PACRG: variants seen among roughly 807,000 people sequenced by gnomAD.
The protein encoded by PACRG is parkin coregulated gene protein.
In PACRG, 29 loss-of-function variants were observed where a neutral mutation model predicts 29.7. The observed-to-expected ratio is 0.98, with a 90% CI of 0.73 to 1.33. PACRG has a LOEUF of 1.33. PACRG is among the 40% of genes most tolerant of loss of function. The probability of loss-of-function intolerance (pLI) is 0.00; values close to 1 mark genes in which losing one functional copy is unlikely to be tolerated. For missense variants in PACRG, 279 were observed against 316.2 expected (o/e 0.88, Z 0.89); for synonymous variants, 116 against 118.7 (o/e 0.98, Z 0.15).
At chr6:162,823,093 G>A (rs1787978469) in intron 2 of PACRG, among the ~76,000 whole-genome samples, 1 of 152,142 alleles carries the variant, frequency 6.6e-6, no homozygotes, top group African/African-American at 2.4e-5. Flanking sequence ...GAGAGATACT[G>A]TGTCAGAGAT....
intron 3 of PACRG, among the ~76,000 whole-genome samples, chr6:163,067,139 T>G (rs761682269): frequency 6.6e-5 from 10 of 152,116 alleles, no homozygotes; most frequent in Non-Finnish European, 1.3e-4. Context: ...GCCTTCCTGC[T>G]GTAGCACCGC....
chr6:163,154,793 G>A (rs899089905), intron 4 of PACRG, among the ~76,000 whole-genome samples: 1 of 151,968 alleles, frequency 6.6e-6, no homozygotes, highest in Non-Finnish European at 1.5e-5. Context: ...GTTTGATCAG[G>A]CAACTACAGG....
At chr6:163,052,119 TA>T (rs1328206055) in intron 2 of PACRG, 8 of 152,186 alleles carry the variant, frequency 5.3e-5, no homozygotes, top group African/African-American at 1.9e-4. Context: ...CATCTACTTG[TA>T]AAATATATTA....
intron 2 of PACRG, among the ~76,000 whole-genome samples, chr6:162,990,073 A>AT (rs1374524404): frequency 1.3e-5 from 2 of 150,714 alleles, no homozygotes; most frequent in Admixed American, 1.3e-4. Context: ...TGAACTCATC[A>AT]TTTTTTATGG....
intron 4 of PACRG, among the ~76,000 whole-genome samples, chr6:163,116,911 C>T (rs9295210): frequency 0.056 from 8,512 of 152,126 alleles, 816 homozygotes; most frequent in African/African-American, 0.19. Flanking sequence ...CGTGGTGAGT[C>T]GGAGGTGCTG....
chr6:162,750,560 T>C (rs954400353), intron 1 of PACRG, among the ~76,000 whole-genome samples: 2 of 152,198 alleles, frequency 1.3e-5, no homozygotes, highest in African/African-American at 4.8e-5. Flanking sequence ...CTTCAACTAA[T>C]AGAGTAAAAT....
At chr6:162,891,719 G>A (rs886271012) in intron 2 of PACRG, among the ~76,000 whole-genome samples, 6 of 152,082 alleles carry the variant, frequency 3.9e-5, no homozygotes, top group African/African-American at 9.7e-5. Context: ...ACCTCTTTGG[G>A]GGGCTGTAGA....
At chr6:162,890,609 G>A (rs1003753323) in intron 2 of PACRG, among the ~76,000 whole-genome samples, 1 of 152,176 alleles carries the variant, frequency 6.6e-6, no homozygotes, top group Non-Finnish European at 1.5e-5. Flanking sequence ...GGGTCACTTA[G>A]AGAAGGAAAT....
chr6:163,266,597 T>C (rs369007920), intron 4 of PACRG, among the ~76,000 whole-genome samples: 4 of 152,280 alleles, frequency 2.6e-5, no homozygotes, highest in East Asian at 3.9e-4. Flanking sequence ...CTAACCTCCT[T>C]CTCCTGATTT....
At chr6:162,854,654 A>G (rs117786524) in intron 2 of PACRG, among the ~76,000 whole-genome samples, 6,200 of 152,282 alleles carry the variant, frequency 0.041, 141 homozygotes, top group Middle Eastern at 0.088. Context: ...ACTGACATTC[A>G]TTGGTATGTA....
chr6:162,841,300 A>C (rs1282058957), intron 2 of PACRG, among the ~76,000 whole-genome samples: 2 of 147,242 alleles, frequency 1.4e-5, no homozygotes, highest in Admixed American at 6.8e-5. Context: ...TCAGAGATTC[A>C]ACTTCTTCCT....
At chr6:163,033,017 A>T (rs1348635491) in intron 2 of PACRG, among the ~76,000 whole-genome samples, 2 of 152,204 alleles carry the variant, frequency 1.3e-5, no homozygotes, top group Non-Finnish European at 2.9e-5. Context: ...AACCTTCCAT[A>T]ACTTGCTTAA....
intron 2 of PACRG, among the ~76,000 whole-genome samples, chr6:162,924,727 C>G (rs766906728): frequency 6.6e-6 from 1 of 151,640 alleles, no homozygotes; most frequent in Non-Finnish European, 1.5e-5. Context: ...TCTTGCAAAT[C>G]GATACCCTAA....
At chr6:162,780,260 C>T (rs1044659074) in intron 1 of PACRG, among the ~76,000 whole-genome samples, 27 of 152,066 alleles carry the variant, frequency 1.8e-4, no homozygotes, top group African/African-American at 6.5e-4. Flanking sequence ...AAAGGATCCT[C>T]CCACACTAAG....
intron 4 of PACRG, among the ~76,000 whole-genome samples, chr6:163,250,611 C>A (rs1435932381): frequency 2.0e-5 from 3 of 152,132 alleles, no homozygotes; most frequent in Admixed American, 2.0e-4. Context: ...CCCTTTATTT[C>A]TTTAAGAACT....
At chr6:162,811,464 A>G (rs1272844863) in intron 1 of PACRG, among the ~76,000 whole-genome samples, 1 of 152,164 alleles carries the variant, frequency 6.6e-6, no homozygotes, top group East Asian at 1.9e-4. Context: ...GAGTAGCTCT[A>G]TAACTTTAAA....
intron 2 of PACRG, among the ~76,000 whole-genome samples, chr6:162,849,867 C>T (rs956886208): frequency 6.6e-6 from 1 of 152,176 alleles, no homozygotes; most frequent in Non-Finnish European, 1.5e-5. Flanking sequence ...TTTTAATGCT[C>T]AGCAGATTCT....
intron 2 of PACRG, among the ~76,000 whole-genome samples, chr6:163,014,816 A>C (rs1251212374): frequency 6.6e-6 from 1 of 152,120 alleles, no homozygotes; most frequent in African/African-American, 2.4e-5. Context: ...TACTCTGCTG[A>C]TAGTTTCTTT....
chr6:162,954,769 A>T (rs1356500916), intron 2 of PACRG, among the ~76,000 whole-genome samples: 1 of 152,252 alleles, frequency 6.6e-6, no homozygotes, highest in Non-Finnish European at 1.5e-5. Context: ...GAGTAAGCAA[A>T]TAAATGCAGT....
Sources: allele counts gnomAD v4.1 joint callset (sites outside exome capture counted in the v4.1 genomes callset), GRCh38; gene constraint gnomAD v4.1.1; transcripts MANE v1.5; gene names NCBI Gene and HGNC (gene_info 2026-07-23, HGNC 2026-07-21).